The following PCDH11X variants were observed in gnomAD, a reference collection of about 807,000 sequenced individuals.
PCDH11X encodes the protein protocadherin-11 X-linked.
A neutral mutation model predicts 53.3 loss-of-function variants in PCDH11X; 18 were observed. The ratio of observed to expected loss-of-function variants is 0.34; its 90% CI spans 0.23 to 0.50. The LOEUF is 0.50. Ranked by LOEUF, PCDH11X falls within the 20% of genes least tolerant of loss-of-function variation. The pLI is 0.98. For missense variants in PCDH11X, 570 were observed against 1,032.4 expected, an observed-to-expected ratio of 0.55 and a Z score of 6.14; for synonymous variants, 279 against 393.3, an observed-to-expected ratio of 0.71 and a Z score of 3.44.
chrX:92,054,249 G>A (rs1194692608), intron 6 of PCDH11X, among the ~76,000 whole-genome samples: 2 of 111,541 alleles, frequency 1.8e-5, no homozygotes, highest in Non-Finnish European at 3.8e-5. Flanking sequence ...TAGAAGCAAA[G>A]CAGGGTAAAT....
chrX:92,224,369 T>A (rs1292516311), intron 7 of PCDH11X, among the ~76,000 whole-genome samples: 2 of 111,978 alleles, frequency 1.8e-5, no homozygotes, highest in Admixed American at 1.9e-4. Flanking sequence ...TTAAATAGAC[T>A]TTTTTGATCC....
intron 4 of PCDH11X, among the ~76,000 whole-genome samples, chrX:91,827,044 T>C (rs1296079705): frequency 3.6e-5 from 4 of 111,464 alleles, no homozygotes; most frequent in Non-Finnish European, 7.5e-5. Context: ...ACTATGCTGC[T>C]TCCCACTATA....
intron 6 of PCDH11X, among the ~76,000 whole-genome samples, chrX:92,083,513 AT>A (rs1246700890): frequency 8.9e-6 from 1 of 111,988 alleles, no homozygotes; most frequent in East Asian, 2.8e-4. Flanking sequence ...ACAGAAAAAA[AT>A]ATAGCACTTT....
chrX:92,185,715 C>T (rs1265964350), intron 6 of PCDH11X, among the ~76,000 whole-genome samples: 4 of 110,181 alleles, frequency 3.6e-5, no homozygotes, highest in Non-Finnish European at 7.6e-5. Flanking sequence ...AAATGACATA[C>T]AAATGGCCAA....
At chrX:92,281,709 T>C (rs1198410510) in intron 8 of PCDH11X, among the ~76,000 whole-genome samples, 2 of 111,781 alleles carry the variant, frequency 1.8e-5, no homozygotes, top group African/African-American at 6.5e-5. Flanking sequence ...GACAAGTGAA[T>C]TGTGGATGTT....
intron 7 of PCDH11X, among the ~76,000 whole-genome samples, chrX:92,227,235 C>T (rs1284693644): frequency 9.0e-6 from 1 of 111,305 alleles, no homozygotes; most frequent in Non-Finnish European, 1.9e-5. Context: ...AATGTAACAA[C>T]TGATCTCCAC....
chrX:92,046,704 T>G (rs2063294546), intron 6 of PCDH11X, among the ~76,000 whole-genome samples: 1 of 111,229 alleles, frequency 9.0e-6, no homozygotes, highest in Non-Finnish European at 1.9e-5. Context: ...CCTAAAAAAT[T>G]ACTAGAAAGA....
intron 6 of PCDH11X, among the ~76,000 whole-genome samples, chrX:91,965,908 T>C (rs993107209): frequency 1.8e-5 from 2 of 111,663 alleles, no homozygotes; most frequent in African/African-American, 6.5e-5. Flanking sequence ...ATGACTGAGA[T>C]GACAAGTATT....
intron 6 of PCDH11X, among the ~76,000 whole-genome samples, chrX:92,103,971 C>A (rs1032899914): frequency 9.0e-6 from 1 of 111,220 alleles, no homozygotes; most frequent in African/African-American, 3.3e-5. Context: ...GCCTTTAGAC[C>A]TTTTAGGGCC....
chrX:92,581,247 T>A (rs772145710), intron 10 of PCDH11X, among the ~76,000 whole-genome samples: 27 of 111,920 alleles, frequency 2.4e-4, no homozygotes, highest in South Asian at 1.1e-3. Context: ...CACCTTTTTT[T>A]AAGTGCACAT....
At chrX:91,981,202 G>A (rs1369830007) in intron 6 of PCDH11X, among the ~76,000 whole-genome samples, 1 of 107,641 alleles carries the variant, frequency 9.3e-6, no homozygotes, top group African/African-American at 3.4e-5. Context: ...TAGCTAACTC[G>A]ACAGTGCTAT....
At chrX:92,129,637 A>T (rs1468178288) in intron 6 of PCDH11X, among the ~76,000 whole-genome samples, 1 of 111,623 alleles carries the variant, frequency 9.0e-6, no homozygotes, top group Non-Finnish European at 1.9e-5. Flanking sequence ...TATATGACCA[A>T]AAAGGTATGC....
chrX:92,027,218 T>A (rs2148009083), intron 6 of PCDH11X, among the ~76,000 whole-genome samples: 1 of 111,408 alleles, frequency 9.0e-6, no homozygotes, highest in African/African-American at 3.3e-5. Flanking sequence ...GTGTCATTTT[T>A]ATAATAATAT....
intron 9 of PCDH11X, among the ~76,000 whole-genome samples, chrX:92,452,497 A>ATATATAT (rs2072815808): frequency 3.0e-5 from 1 of 33,832 alleles, no homozygotes; most frequent in East Asian, 5.5e-4. Context: ...ATATATATAT[A>ATATATAT]TGTTTTTTTT....
At chrX:91,983,243 T>C in intron 6 of PCDH11X, 1 of 839,293 alleles carries the variant, frequency 1.2e-6, no homozygotes. Flanking sequence ...AAGCTGATCT[T>C]CCACAGTCAT....
At chrX:92,193,119 T>C (rs958327511) in intron 6 of PCDH11X, among the ~76,000 whole-genome samples, 2 of 111,741 alleles carry the variant, frequency 1.8e-5, no homozygotes, top group African/African-American at 6.5e-5. Context: ...CAGTCTTCTG[T>C]ATGTAATTAA....
intron 4 of PCDH11X, among the ~76,000 whole-genome samples, chrX:91,831,214 C>T (rs1842137033): frequency 9.0e-6 from 1 of 111,193 alleles, no homozygotes; most frequent in South Asian, 3.7e-4. Context: ...CTATTGCTTA[C>T]CCAACTGTGA....
At chrX:92,318,438 AT>A (rs1442031444) in intron 8 of PCDH11X, among the ~76,000 whole-genome samples, 2 of 111,066 alleles carry the variant, frequency 1.8e-5, no homozygotes, top group African/African-American at 3.3e-5. Flanking sequence ...TTTCCCTCAA[AT>A]TTTTTCTCTC....
intron 6 of PCDH11X, among the ~76,000 whole-genome samples, chrX:92,114,707 A>C (rs1055166600): frequency 9.0e-6 from 1 of 111,681 alleles, no homozygotes; most frequent in Non-Finnish European, 1.9e-5. Flanking sequence ...CATTGTCTAA[A>C]CATACCTGTG....
Sources: gnomAD v4.1 joint callset for allele counts (sites outside exome capture counted in the v4.1 genomes callset) on GRCh38, gnomAD v4.1.1 for gene constraint, MANE v1.5 for transcripts, NCBI Gene and HGNC (gene_info 2026-07-23, HGNC 2026-07-21) for gene names.